The following OR5A2 variants were observed in gnomAD, a reference collection of about 807,000 sequenced individuals.
OR5A2 encodes the protein olfactory receptor family 5 subfamily A member 2, also known as olfactory receptor 5A2.
For synonymous variants in OR5A2, 155 were observed against 151.1 expected, an observed-to-expected ratio of 1.03 and a Z score of -0.19; for missense variants, 406 against 398.9, an observed-to-expected ratio of 1.02 and a Z score of -0.15.
chr11:59,417,151 A>G lies in OR5A2; in HGVS notation c.*4828T>C, dbSNP rs758677763. On this transcript the variant is annotated 3_prime_UTR_variant, in exon 2 of 2. Coordinates refer to ENST00000302040, the MANE Select transcript of OR5A2 (RefSeq NM_001001954.2). The stretch of plus-strand genomic sequence containing the variant: ...CACAAGATGAATTCTCTGTTTTTCT[A>G]TGAGGTCTCCCCGGGTCCCAGCTGC... 4.6e-4 allele frequency: 70 copies of G among 152,114 alleles called. No individual in the cohort carries two copies. Among genetic ancestry groups the G allele is most frequent in the South Asian group, 1.5e-3 (7 of 4,818 alleles). The allele number at this position is 152,114 out of a possible 1,614,324, so 9.4% of individuals were successfully genotyped here.
rs563294378 is a variant in OR5A2 at position 59,421,424 on chromosome 11, C to G, written c.*555G>C. The G allele has an allele frequency of 6.6e-6, 1 of 152,616 alleles. No individual in the cohort carries two copies. Among genetic ancestry groups the G allele is most frequent in the South Asian group, 2.1e-4 (1 of 4,826 alleles). 9.5% of individuals were successfully genotyped at this position (152,616 alleles called of 1,614,324 possible). On this transcript the variant is annotated 3_prime_UTR_variant, in exon 2 of 2. Transcript: ENST00000302040. The stretch of plus-strand genomic sequence containing the variant: ...ATGGGGACAAATATCCAAATTCTAT[C>G]AAGGCCCAAATCAGAATTATTGCCT...
At position 59,422,336 on chromosome 11, in the gene OR5A2, G is replaced by C; in HGVS notation, c.618C>G (p.Val206=). Residue 206 remains valine, a synonymous_variant, in exon 2 of 2, where the codon GTC becomes GTG. Coordinates refer to ENST00000302040, the MANE Select transcript of OR5A2 (RefSeq NM_001001954.2). Reference sequence around the variant, plus strand: ...CCACTAGCACAGACACTATTCCAACGACAACACTGACTATGAAGGTCACCA... The same window carrying C: ...CCACTAGCACAGACACTATTCCAACCACAACACTGACTATGAAGGTCACCA... The part of the protein sequence containing the change: ...SEVVTFIVSV[V]VGIVSVLVVL... The C allele has an allele frequency of 1.2e-6, 2 of 1,614,034 alleles. No individual in the cohort carries two copies. Among genetic ancestry groups the C allele is most frequent in the Non-Finnish European group, 1.7e-6 (2 of 1,180,006 alleles).
chr11:59,422,866 T>A lies in OR5A2; in HGVS notation c.88A>T (p.Met30Leu), dbSNP rs370752643. ...DHPQMKIFLFMLFLGLYLLTL... is the reference protein window; with the variant it reads ...DHPQMKIFLFLLFLGLYLLTL... Reference sequence around the variant, plus strand: ...AGGAGGTAGAGCCCCAGAAATAACATGAAAAGGAAAATCTTCATTTGAGGA... The same window carrying A: ...AGGAGGTAGAGCCCCAGAAATAACAAGAAAAGGAAAATCTTCATTTGAGGA... The change falls in exon 2 of 2, where the codon ATG (methionine) becomes TTG (leucine). Residue 30 changes from methionine (M) to leucine (L), a missense_variant. Coordinates refer to ENST00000302040, the MANE Select transcript of OR5A2 (RefSeq NM_001001954.2). 2 of 1,613,976 alleles carry A rather than the reference T, an allele frequency of 1.2e-6. No homozygotes were observed. The highest frequency in any genetic ancestry group is 2.2e-5 in the East Asian group (1 of 44,882).
rs911288123 is a variant in OR5A2, at chr11:59,417,137, T to C, written c.*4842A>G. On this transcript the variant is annotated 3_prime_UTR_variant, in exon 2 of 2. Transcript: ENST00000302040. ...AACGTGGCTTTGAACACAAGATGAA[T>C]TCTCTGTTTTTCTATGAGGTCTCCC... 3.3e-5 allele frequency: 5 copies of C among 152,130 alleles called. No homozygotes were observed. In the East Asian group the frequency reaches 9.7e-4, roughly 30 times the overall value. 9.4% of individuals were successfully genotyped at this position (152,130 alleles called of 1,614,324 possible).
rs1858204218 is a variant in OR5A2, at chr11:59,420,089, C to G, written c.*1890G>C. 1 of 152,044 alleles carries G rather than the reference C, an allele frequency of 6.6e-6. No individual in the cohort carries two copies. 9.4% of individuals were successfully genotyped at this position (152,044 alleles called of 1,614,324 possible). A position where few individuals can be genotyped will look rare whatever the true frequency, so the allele number is the denominator to read the frequency against. On this transcript the variant is annotated 3_prime_UTR_variant, in exon 2 of 2. Coordinates refer to ENST00000302040, the MANE Select transcript of OR5A2 (RefSeq NM_001001954.2). The stretch of plus-strand genomic sequence containing the variant: ...ACTGTATATGGTGTTAAATAAAACC[C>G]ATCTAATGAGAATTTATGGTTTGCA...
intron 1 of OR5A2, chr11:59,423,269 G>T: frequency 4.1e-6 from 1 of 243,944 alleles, no homozygotes; most frequent in Non-Finnish European, 8.0e-6. Flanking sequence ...GAGGACTTTG[G>T]AAAAGTCATT....
rs764200559 is a variant in OR5A2, at chr11:59,422,900, A to G, written c.54T>C (p.Leu18=). 6.2e-7 allele frequency: 1 copy of G among 1,614,150 alleles called. No homozygotes were observed. Among genetic ancestry groups the G allele is most frequent in the Admixed American group, 1.7e-5 (1 of 60,018 alleles). The change falls in exon 2 of 2, where the codon CTT becomes CTC. Residue 18 remains leucine (L), a synonymous_variant. Coordinates refer to ENST00000302040, the MANE Select transcript of OR5A2 (RefSeq NM_001001954.2). ...AAATCTTCATTTGAGGATGGTCTGA[A>G]AGTCCCAGGAGAATGAATTTTGTCA... is the stretch of plus-strand genomic sequence containing the variant. The part of the protein sequence containing the change: ...TIVTKFILLG[L]SDHPQMKIFL...
chr11:59,422,529 CA>C lies in OR5A2; in HGVS notation c.424del (p.Cys142ValfsTer2). On this transcript the variant is annotated frameshift_variant, in exon 2 of 2. Coordinates refer to ENST00000302040, the MANE Select transcript of OR5A2 (RefSeq NM_001001954.2). LOFTEE classifies it low-confidence loss of function (END_TRUNC). ...LYTVLISHTL[C>X]LKMVVGAYVG... ...ATAGGCGCCAACCACCATCTTTAAACAAAGTGTATGGGATATGAGGACTGTG... is the reference window on the plus strand; with the variant it reads ...ATAGGCGCCAACCACCATCTTTAAACAAGTGTATGGGATATGAGGACTGTG... 11 of 1,614,150 alleles carry C rather than the reference CA, an allele frequency of 6.8e-6. No individual in the cohort carries two copies. Among genetic ancestry groups the C allele is most frequent in the Non-Finnish European group, 9.3e-6 (11 of 1,180,030 alleles).
At position 59,426,346 on chromosome 11, in the gene OR5A2, A is replaced by G. The variant is rs1858304417; in HGVS notation, c.-267T>C. 1 of 152,212 alleles carries G rather than the reference A, an allele frequency of 6.6e-6. No homozygotes were observed. Among genetic ancestry groups the G allele is most frequent in the Non-Finnish European group, 1.5e-5 (1 of 68,044 alleles). 9.4% of individuals were successfully genotyped at this position (152,212 alleles called of 1,614,324 possible). A position where few individuals can be genotyped will look rare whatever the true frequency, so the allele number is the denominator to read the frequency against. ...TTTGGCCTCATGTAAATAGTAAACCATGCTTCTGGAATCTCCGCTCCTTTG... is the reference window on the plus strand; with the variant it reads ...TTTGGCCTCATGTAAATAGTAAACCGTGCTTCTGGAATCTCCGCTCCTTTG... On this transcript the variant is annotated 5_prime_UTR_variant, in exon 1 of 2. An upstream start codon of the reference 5' UTR is lost. Coordinates refer to ENST00000302040, the MANE Select transcript of OR5A2 (RefSeq NM_001001954.2).
rs751303254 is a variant in OR5A2 at position 59,422,947 on chromosome 11, C to T, written c.7G>A (p.Val3Ile). MAVGRNNTIVTKF... is the reference protein window; with the variant it reads MAIGRNNTIVTKF... ...GTCACAATTGTGTTGTTCCTTCCTA[C>T]AGCCATAGGCCTGCTTCCTGCATAA... The change falls in exon 2 of 2, where the codon GTA becomes ATA. Residue 3 changes from valine to isoleucine, a missense_variant. By Grantham distance (29) the Val-to-Ile change is conservative. Coordinates refer to ENST00000302040, the MANE Select transcript of OR5A2 (RefSeq NM_001001954.2). 2 of 1,611,526 alleles carry T rather than the reference C, an allele frequency of 1.2e-6. No homozygotes were observed. Among genetic ancestry groups the T allele is most frequent in the South Asian group, 2.2e-5 (2 of 90,512 alleles).
At position 59,423,056 on chromosome 11, in the gene OR5A2, TACAA is replaced by T. The variant is rs34222593; in HGVS notation, c.-91-16_-91-13del. 0.23 allele frequency: 267,530 copies of T among 1,165,910 alleles called. 34,344 individuals are homozygous for T. Among genetic ancestry groups the T allele is most frequent in the Non-Finnish European group, 0.26 (211,516 of 816,346 alleles). The allele number at this position is 1,165,910 out of a possible 1,614,324, so 72.2% of individuals were successfully genotyped here. A position where few individuals can be genotyped will look rare whatever the true frequency, so the allele number is the denominator to read the frequency against. On this transcript the variant is annotated splice_polypyrimidine_tract_variant and intron_variant, in intron 1 of 1. Coordinates refer to ENST00000302040, the MANE Select transcript of OR5A2 (RefSeq NM_001001954.2). The stretch of plus-strand genomic sequence containing the variant: ...AGAGTGGGTATTTCCTAGAAGATCA[TACAA>T]ACAGTCAGCAACAAGTTAAACTACA...
chr11:59,421,952 AC>A lies in OR5A2; in HGVS notation c.*26del, dbSNP rs1858227497. ...AATTATGTAAATGTCTGCACAATTC[AC>A]CTAGCTCACAGCTTCATTGTAAACA... On this transcript the variant is annotated 3_prime_UTR_variant, in exon 2 of 2. Coordinates refer to ENST00000302040, the MANE Select transcript of OR5A2 (RefSeq NM_001001954.2). 1.3e-6 allele frequency: 2 copies of A among 1,557,276 alleles called. No homozygotes were observed. The highest frequency in any genetic ancestry group is 1.7e-6 in the Non-Finnish European group (2 of 1,151,844).
rs1056781297 is a variant in OR5A2 at position 59,416,983 on chromosome 11, A to T, written c.*4996T>A. On this transcript the variant is annotated 3_prime_UTR_variant, in exon 2 of 2. Transcript: ENST00000302040. ...AAAGCAACCCAGCCTCTTTTTGCAT[A>T]AGAAAGATGTTTTATTAGAACAAAC... The T allele has an allele frequency of 3.3e-5, 5 of 152,184 alleles. No homozygotes were observed. The highest frequency in any genetic ancestry group is 9.6e-5 in the African/African-American group (4 of 41,544). 9.4% of individuals were successfully genotyped at this position (152,184 alleles called of 1,614,324 possible).
In OR5A2 at chr11:59,420,894, T is replaced by C. The variant is rs1040582168; in HGVS notation, c.*1085A>G. On this transcript the variant is annotated 3_prime_UTR_variant, in exon 2 of 2. Coordinates refer to ENST00000302040, the MANE Select transcript of OR5A2 (RefSeq NM_001001954.2). ...ATTGTCAGTTAGAAAGCTGTCACTT[T>C]GGGCTTAAGCAATAATTCCTTGGTT... 3 of 152,220 alleles carry C rather than the reference T, an allele frequency of 2.0e-5. No homozygotes were observed. The highest frequency in any genetic ancestry group is 7.2e-5 in the African/African-American group (3 of 41,470). 9.4% of individuals were successfully genotyped at this position (152,220 alleles called of 1,614,324 possible).
In OR5A2 at chr11:59,418,189, A is replaced by G. The variant is rs1252654992; in HGVS notation, c.*3790T>C. On this transcript the variant is annotated 3_prime_UTR_variant, in exon 2 of 2. Coordinates refer to ENST00000302040, the MANE Select transcript of OR5A2 (RefSeq NM_001001954.2). ...CGATCTGGACCCTCTAGCTGGGTGTATCAGGAACTGATCCACTTTATCAGC... is the reference window on the plus strand; with the variant it reads ...CGATCTGGACCCTCTAGCTGGGTGTGTCAGGAACTGATCCACTTTATCAGC... 1.3e-5 allele frequency: 2 copies of G among 152,096 alleles called. No homozygotes were observed. The highest frequency in any genetic ancestry group is 4.8e-5 in the African/African-American group (2 of 41,440). The allele number at this position is 152,096 out of a possible 1,614,324, so 9.4% of individuals were successfully genotyped here.
chr11:59,419,873 AG>A lies in OR5A2; in HGVS notation c.*2105del, dbSNP rs543852022. On this transcript the variant is annotated 3_prime_UTR_variant, in exon 2 of 2. Coordinates refer to ENST00000302040, the MANE Select transcript of OR5A2 (RefSeq NM_001001954.2). ...AGACTTAAAAGGGTGCCTGGCTCTT[AG>A]TTGATTATCTCCTAGATCAGGGAAG... The A allele has an allele frequency of 9.9e-5, 15 of 152,272 alleles. No individual in the cohort carries two copies. In the East Asian group the frequency reaches 2.1e-3, roughly 22 times the overall value. 9.4% of individuals were successfully genotyped at this position (152,272 alleles called of 1,614,324 possible).
In OR5A2 at chr11:59,418,741, T is replaced by C. The variant is rs1406087667; in HGVS notation, c.*3238A>G. On this transcript the variant is annotated 3_prime_UTR_variant, in exon 2 of 2. Transcript: ENST00000302040. ...AATTCTATTAATAAGACTTACATTC[T>C]TCTTGGTAGTTGGGCAAACTGCAAA... is the stretch of plus-strand genomic sequence containing the variant. 1 of 152,144 alleles carries C rather than the reference T, an allele frequency of 6.6e-6. No individual in the cohort carries two copies. Among genetic ancestry groups the C allele is most frequent in the Non-Finnish European group, 1.5e-5 (1 of 68,018 alleles). 9.4% of individuals were successfully genotyped at this position (152,144 alleles called of 1,614,324 possible).
chr11:59,425,393 A>G (rs1052783452), intron 1 of OR5A2: 11 of 152,158 alleles, frequency 7.2e-5, no homozygotes, highest in Admixed American at 2.6e-4. Flanking sequence ...TATCTCAAGC[A>G]CTGATCTTAG....
Position 59,418,003 on chromosome 11 carries a change from T to C in OR5A2, c.*3976A>G, listed in dbSNP as rs1858177329. 6.6e-6 allele frequency: 1 copy of C among 152,036 alleles called. No homozygotes were observed. The highest frequency in any genetic ancestry group is 2.4e-5 in the African/African-American group (1 of 41,422). 9.4% of individuals were successfully genotyped at this position (152,036 alleles called of 1,614,324 possible). A position where few individuals can be genotyped will look rare whatever the true frequency, so the allele number is the denominator to read the frequency against. On this transcript the variant is annotated 3_prime_UTR_variant, in exon 2 of 2. Transcript: ENST00000302040. Reference sequence around the variant, plus strand: ...GTGTGTAAATTGTGTCACAGAAGCATTTTAGAGAAAAAAATATATATTTCT... The same window carrying C: ...GTGTGTAAATTGTGTCACAGAAGCACTTTAGAGAAAAAAATATATATTTCT...
Sources: allele counts gnomAD v4.1 joint callset, GRCh38; gene constraint gnomAD v4.1.1; transcripts MANE v1.5; gene names NCBI Gene and HGNC (gene_info 2026-07-23, HGNC 2026-07-21).